RBBP6: variants seen among roughly 807,000 people sequenced by gnomAD.
The protein encoded by RBBP6 is E3 ubiquitin-protein ligase RBBP6.
In RBBP6, 25 loss-of-function variants were observed where a neutral mutation model predicts 167.7. The ratio of observed to expected loss-of-function variants is 0.15; its 90% CI spans 0.11 to 0.21. RBBP6 has a LOEUF of 0.21. RBBP6 is among the 10% of genes least tolerant of loss of function. RBBP6 has a pLI of 1.00. For synonymous variants in RBBP6, 789 were observed against 735.8 expected, an observed-to-expected ratio of 1.07 and a Z score of -1.17; for missense variants, 1,868 against 2,134.2, an observed-to-expected ratio of 0.88 and a Z score of 2.46.
chr16:24,556,230 G>T (rs1898909737), intron 6 of RBBP6, 78 bp from the exon 7 acceptor site: 1 of 1,200,352 alleles, frequency 8.3e-7, no homozygotes, highest in African/African-American at 1.5e-5. Context: ...AGTAAGCACT[G>T]TATAACATTA....
In RBBP6 at chr16:24,571,828, C is replaced by T. The variant is rs748431082; in HGVS notation, c.4762C>T (p.Leu1588Phe). The change falls in exon 18 of 18, where the codon CTT (leucine) becomes TTT (phenylalanine). Residue 1588 changes from leucine (L) to phenylalanine (F), a missense_variant. Leu to Phe is a conservative substitution (Grantham distance 22). Coordinates refer to ENST00000319715, the MANE Select transcript of RBBP6 (RefSeq NM_006910.5). ...NNKESSGNKL[L>F]YILNPPETQV... is the part of the protein sequence containing the mutation. Reference sequence around the variant, plus strand: ...TAAAGAGTCAAGTGGCAATAAACTACTTTATATACTTAACCCACCAGAGAC... The same window carrying T: ...TAAAGAGTCAAGTGGCAATAAACTATTTTATATACTTAACCCACCAGAGAC... 3.1e-6 allele frequency: 5 copies of T among 1,614,120 alleles called. No individual in the cohort carries two copies. The highest frequency in any genetic ancestry group is 4.2e-6 in the Non-Finnish European group (5 of 1,179,990).
chr16:24,552,004 GA>G (rs1898808293), intron 3 of RBBP6, among the ~76,000 whole-genome samples: 1 of 151,508 alleles, frequency 6.6e-6, no homozygotes, highest in African/African-American at 2.4e-5. Context: ...GTTCTTAAAG[GA>G]AAAAAATACT....
At chr16:24,543,639 G>A (rs994106415) in intron 1 of RBBP6, among the ~76,000 whole-genome samples, 1 of 151,908 alleles carries the variant, frequency 6.6e-6, no homozygotes, top group African/African-American at 2.4e-5. Context: ...TGAAACGCTT[G>A]GGTCAGAATT....
At chr16:24,557,060 A>G (rs1011382679) in intron 7 of RBBP6, among the ~76,000 whole-genome samples, 2 of 136,024 alleles carry the variant, frequency 1.5e-5, no homozygotes, top group Non-Finnish European at 3.0e-5. Flanking sequence ...GTGCAGTGGC[A>G]CAATCTCGGC....
rs768997835 is a variant in RBBP6, at chr16:24,571,106, G to T, written c.4040G>T (p.Ser1347Ile). ...ATATCAAGTGTAGGAAAACCTGCTA[G>T]TGTTATAAAAAATGTTAGTACAAAG... ...QPISSVGKPA[S>I]VIKNVSTKPS... The change falls in exon 18 of 18, where the codon AGT (serine) becomes ATT (isoleucine). Residue 1347 changes from serine to isoleucine, a missense_variant. Coordinates refer to ENST00000319715, the MANE Select transcript of RBBP6 (RefSeq NM_006910.5). 1 of 1,612,586 alleles carries T rather than the reference G, an allele frequency of 6.2e-7. No individual in the cohort carries two copies. The highest frequency in any genetic ancestry group is 8.5e-7 in the Non-Finnish European group (1 of 1,179,178).
rs1374252865 is a variant in RBBP6, at chr16:24,572,027, A to G, written c.4961A>G (p.Glu1654Gly). The G allele has an allele frequency of 7.4e-6, 12 of 1,614,064 alleles. No homozygotes were observed. The highest frequency in any genetic ancestry group is 1.0e-5 in the Non-Finnish European group (12 of 1,179,952). The change falls in exon 18 of 18, where the codon GAA (glutamate) becomes GGA (glycine). Residue 1654 changes from glutamate (E) to glycine (G), a missense_variant. This residue lies in a region of RBBP6 where 591 missense variants were observed against 540.5 expected (regional missense o/e 1.09). Transcript: ENST00000319715. ...AGTGAAAGTAATGTTTCTGTAAAAGAAGAGGAATCTTCAGGAAACATTTCT... is the reference window on the plus strand; with the variant it reads ...AGTGAAAGTAATGTTTCTGTAAAAGGAGAGGAATCTTCAGGAAACATTTCT... ...SDSESNVSVKEEESSGNISKD... is the reference protein window; with the variant it reads ...SDSESNVSVKGEESSGNISKD...
rs933107246 is a variant in RBBP6, at chr16:24,541,205, C to CAAAAAA, written c.166+415_166+420dup. Among the ~76,000 whole-genome samples the CAAAAAA allele has an allele frequency of 4.6e-3, 367 of 79,196 alleles. 16 individuals carry two copies. The highest frequency in any genetic ancestry group is 0.016 in the Middle Eastern group (2 of 128). 52.0% of individuals were successfully genotyped at this position (79,196 alleles called of 152,430 possible). ...GCAAAAAAAAAAACAAAAAAAAAACCAAAAAAACAATTTTCTAACCTAACA... is the reference window on the plus strand; with the variant it reads ...GCAAAAAAAAAAACAAAAAAAAAACCAAAAAAAAAAAAACAATTTTCTAACCTAACA... On this transcript the variant is annotated intron_variant, in intron 1 of 17. Coordinates refer to ENST00000319715, the MANE Select transcript of RBBP6 (RefSeq NM_006910.5).
At chr16:24,565,999 A>G (rs902312336) in intron 14 of RBBP6, among the ~76,000 whole-genome samples, 6 of 152,306 alleles carry the variant, frequency 3.9e-5, no homozygotes, top group Middle Eastern at 3.4e-3. Context: ...TAGGAAGTCA[A>G]GGCTGCAGTG....
At chr16:24,564,101 A>G (rs1188026627) in intron 13 of RBBP6, among the ~76,000 whole-genome samples, 1 of 152,168 alleles carries the variant, frequency 6.6e-6, no homozygotes, top group African/African-American at 2.4e-5. Context: ...CTACCAAACA[A>G]AAATTTTTTG....
rs544415253 is a variant in RBBP6 at position 24,570,176 on chromosome 16, T to G, written c.3486T>G (p.Ser1162=). Residue 1162 remains serine, a synonymous_variant, in exon 17 of 18, where the codon TCT becomes TCG. Coordinates refer to ENST00000319715, the MANE Select transcript of RBBP6 (RefSeq NM_006910.5). The stretch of plus-strand genomic sequence containing the variant: ...AAGGCGTAGATAAAGATTTTGAGTC[T>G]TCTTCAATGAAAATCTCGAAACTAG... ...EEKGVDKDFE[S]SSMKISKLEV... 3.8e-5 allele frequency: 61 copies of G among 1,599,228 alleles called. 1 individual carries two copies. Among genetic ancestry groups the G allele is most frequent in the South Asian group, 1.2e-4 (10 of 86,748 alleles).
chr16:24,542,299 T>G (rs1898520386), intron 1 of RBBP6, among the ~76,000 whole-genome samples: 1 of 152,222 alleles, frequency 6.6e-6, no homozygotes, highest in Non-Finnish European at 1.5e-5. Context: ...TATTGAGTAT[T>G]TATGAATGAG....
At chr16:24,564,260 G>T (rs1424153994) in intron 13 of RBBP6, among the ~76,000 whole-genome samples, 2 of 152,140 alleles carry the variant, frequency 1.3e-5, no homozygotes, top group Non-Finnish European at 2.9e-5. Flanking sequence ...ATTGAAAATT[G>T]ATATATTCTT....
chr16:24,556,281 C>T (rs979906981), intron 6 of RBBP6, 27 bp from the exon 7 acceptor site: 4 of 1,513,580 alleles, frequency 2.6e-6, no homozygotes, highest in Admixed American at 1.8e-5. Context: ...TTCTCTTCCT[C>T]CTCCTCTTCC....
At position 24,568,827 on chromosome 16, in the gene RBBP6, C is replaced by T. The variant is rs1445067756; in HGVS notation, c.2137C>T (p.Arg713Cys). 1.2e-5 allele frequency: 20 copies of T among 1,614,236 alleles called. No individual in the cohort carries two copies. The highest frequency in any genetic ancestry group is 2.2e-5 in the East Asian group (1 of 44,882). The change falls in exon 17 of 18, where the codon CGC (arginine) becomes TGC (cysteine). Residue 713 changes from arginine (R) to cysteine (C), a missense_variant. By Grantham distance (180) the Arg-to-Cys change is radical. This residue lies in a region of RBBP6 where 673 missense variants were observed against 691.5 expected (regional missense o/e 0.97). Coordinates refer to ENST00000319715, the MANE Select transcript of RBBP6 (RefSeq NM_006910.5). ...ATCAAGATCTGGTTCAACACGTTCA[C>T]GCTCTTATTCTCGATCATTCAGCCG... ...SKSRSGSTRS[R>C]SYSRSFSRSH...
rs112309723 is a variant in RBBP6 at position 24,547,549 on chromosome 16, G to A, written c.266+1287G>A. On this transcript the variant is annotated intron_variant, in intron 2 of 17. Transcript: ENST00000319715. The stretch of plus-strand genomic sequence containing the variant: ...ACAATCTTGGCTCACTGTAGCCTCC[G>A]GGCTCAAGCGATTCTCCTGCCTCAG... Among the ~76,000 whole-genome samples the A allele has an allele frequency of 3.7e-3, 556 of 152,144 alleles. 1 individual carries two copies. Among genetic ancestry groups the A allele is most frequent in the African/African-American group, 0.013 (542 of 41,524 alleles).
At chr16:24,553,633 A>G in intron 4 of RBBP6, 76 bp downstream of exon 4, 7 of 1,231,194 alleles carry the variant, frequency 5.7e-6, no homozygotes, top group Non-Finnish European at 7.9e-6. Flanking sequence ...ACGGTTTTTT[A>G]AGAGGGGTTG....
In RBBP6 at chr16:24,571,986, C is replaced by T; in HGVS notation, c.4920C>T (p.Asp1640=). ...CTGATGAAGCTGCTTTTGAACCAGA[C>T]TATAATGAAAGTGACAGTGAAAGTA... ...RETDEAAFEP[D]YNESDSESNV... Residue 1640 remains aspartate (D), a synonymous_variant, in exon 18 of 18, where the codon GAC becomes GAT. Transcript: ENST00000319715. The T allele has an allele frequency of 6.2e-7, 1 of 1,613,820 alleles. No individual in the cohort carries two copies. The highest frequency in any genetic ancestry group is 8.5e-7 in the Non-Finnish European group (1 of 1,179,952).
intron 7 of RBBP6, among the ~76,000 whole-genome samples, chr16:24,557,741 A>G (rs1320133984): frequency 2.6e-5 from 4 of 152,214 alleles, no homozygotes; most frequent in South Asian, 2.1e-4. Context: ...GAAAAAATAC[A>G]TACATATATA....
At position 24,555,637 on chromosome 16, in the gene RBBP6, A is replaced by T. The variant is rs915274460; in HGVS notation, c.371A>T (p.Asn124Ile). The change falls in exon 5 of 18, where the codon AAT becomes ATT. Residue 124 changes from asparagine to isoleucine, a missense_variant. Around this residue, in one of 7 missense-constraint regions of RBBP6, gnomAD observed 184 missense variants for 327.7 expected, o/e 0.56. Coordinates refer to ENST00000319715, the MANE Select transcript of RBBP6 (RefSeq NM_006910.5). ...CAGACTGCCAATCTGGCTGAAGCCA[A>T]TGCTTCTGAAGAAGATAAAATTAAA... ...LTKTANLAEA[N>I]ASEEDKIKAM... The T allele has an allele frequency of 2.5e-6, 4 of 1,612,532 alleles. No homozygotes were observed. Among genetic ancestry groups the T allele is most frequent in the Non-Finnish European group, 3.4e-6 (4 of 1,179,612 alleles).
Sources: allele counts gnomAD v4.1 joint callset (sites outside exome capture counted in the v4.1 genomes callset), GRCh38; gene constraint gnomAD v4.1.1; regional missense constraint gnomAD v4.1.1; transcripts MANE v1.5; gene names NCBI Gene and HGNC (gene_info 2026-07-23, HGNC 2026-07-21).